ITGB4: variants seen among roughly 807,000 people sequenced by gnomAD.
ITGB4 encodes the protein integrin subunit beta 4.
Under a neutral mutation model 207.6 loss-of-function variants are expected in ITGB4, and 159 were observed. That is an observed-to-expected ratio of 0.77 (90% CI 0.67 to 0.87). ITGB4 has a LOEUF of 0.87. ITGB4 is among the 40% of genes least tolerant of loss of function. The pLI is 0.00. For synonymous variants in ITGB4, 1,020 were observed against 1,062.7 expected (o/e 0.96, Z 0.78); for missense variants, 2,278 against 2,546.8 (o/e 0.89, Z 2.27).
chr17:75,745,262 G>C (rs2061208140), intron 26 of ITGB4, among the ~76,000 whole-genome samples: 1 of 151,614 alleles, frequency 6.6e-6, no homozygotes. Flanking sequence ...GCATGGTAGT[G>C]CATACTTGTG....
rs530728700 is a variant in ITGB4 at position 75,743,560 on chromosome 17, G to A, written c.2963-153G>A. On this transcript the variant is annotated intron_variant, in intron 25 of 39. Transcript: ENST00000200181. ...TCATCTTTTTCTGGAAGGATTTTCC[G>A]TTTCGCTCCTGTGCCCTTCCCAGAG... 5.3e-5 allele frequency among the ~76,000 whole-genome samples: 8 copies of A among 152,254 alleles called. No individual in the cohort carries two copies. In the East Asian group the frequency reaches 7.7e-4, roughly 15 times the overall value.
rs755391801 is a variant in ITGB4 at position 75,750,164 on chromosome 17, C to T, written c.3370C>T (p.His1124Tyr). 4.3e-6 allele frequency: 7 copies of T among 1,613,742 alleles called. No individual in the cohort carries two copies. In the East Asian group the frequency reaches 1.1e-4, roughly 26 times the overall value. Residue 1124 changes from histidine (H) to tyrosine (Y), a missense_variant, in exon 28 of 40, where the codon CAC becomes TAC. Physicochemically the swap from His to Tyr is moderately conservative, Grantham distance 83. Coordinates refer to ENST00000200181, the MANE Select transcript of ITGB4 (RefSeq NM_000213.5). This position sits in a 1 kb window ranked among gnomAD's most constrained non-coding sequence, Gnocchi z 5.5. ...SQMLSSQPPPHGDLGAPQNPN... is the reference protein window; with the variant it reads ...SQMLSSQPPPYGDLGAPQNPN... ...GATGTTGTCATCACAGCCACCCCCT[C>T]ACGGCGACCTGGGCGCCCCGCAGAA... is the stretch of plus-strand genomic sequence containing the variant.
In ITGB4 at chr17:75,727,743, G is replaced by A. The variant is rs751692203; in HGVS notation, c.357G>A (p.Glu119=). The A allele has an allele frequency of 6.8e-6, 11 of 1,614,048 alleles. 1 individual carries two copies. The South Asian group carries it at 1.2e-4, about 18-fold the overall frequency. Reference sequence around the variant, plus strand: ...GGCCCGGTGAGGAGCGGCATTTTGAGCTGGAGGTGTTTGAGCCACTGGAGA... The same window carrying A: ...GGCCCGGTGAGGAGCGGCATTTTGAACTGGAGGTGTTTGAGCCACTGGAGA... ...RLRPGEERHF[E]LEVFEPLESP... The change falls in exon 5 of 40, where the codon GAG becomes GAA. Residue 119 remains glutamate, a synonymous_variant. Coordinates refer to ENST00000200181, the MANE Select transcript of ITGB4 (RefSeq NM_000213.5). This position sits in a 1 kb window ranked among gnomAD's most constrained non-coding sequence, Gnocchi z 6.0.
Position 75,740,807 on chromosome 17 carries a change from C to T in ITGB4, c.2565C>T (p.Tyr855=), listed in dbSNP as rs1314645935. 2 of 1,613,404 alleles carry T rather than the reference C, an allele frequency of 1.2e-6. No individual in the cohort carries two copies. The highest frequency in any genetic ancestry group is 4.5e-5 in the East Asian group (2 of 44,886). Residue 855 remains tyrosine (Y), a synonymous_variant, in exon 22 of 40, where the codon TAC becomes TAT. Transcript: ENST00000200181. This position sits in a 1 kb window ranked among gnomAD's most constrained non-coding sequence, Gnocchi z 5.9. The stretch of plus-strand genomic sequence containing the variant: ...TTGCCTGGCAGCTGAACGAGGTCTA[C>T]AGGCAGATCTCCGGTGTACACAAGC... ...QEVEENLNEV[Y]RQISGVHKLQ...
At position 75,748,669 on chromosome 17, in the gene ITGB4, CA is replaced by C. The variant is rs978715633; in HGVS notation, c.3112-161del. On this transcript the variant is annotated intron_variant, in intron 26 of 39. Coordinates refer to ENST00000200181, the MANE Select transcript of ITGB4 (RefSeq NM_000213.5). ...TAGGTGACAGAGTGAGATTACGCCT[CA>C]AAAAAAAAAACAAACAAAAAAAACA... 3.0e-3 allele frequency among the ~76,000 whole-genome samples: 410 copies of C among 138,614 alleles called. 4 individuals are homozygous for C. Among genetic ancestry groups the C allele is most frequent in the Non-Finnish European group, 4.4e-3 (278 of 63,528 alleles). 90.9% of individuals were successfully genotyped at this position (138,614 alleles called of 152,430 possible).
At chr17:75,736,524 A>C in intron 15 of ITGB4, 41 bp from the exon 16 acceptor site, 1 of 1,589,678 alleles carries the variant, frequency 6.3e-7, no homozygotes, top group East Asian at 2.3e-5. Context: ...GCAGAGGCCC[A>C]CCCAACACAG....
intron 23 of ITGB4, 48 bp downstream of exon 23, chr17:75,741,053 T>A: frequency 6.3e-7 from 1 of 1,599,558 alleles, no homozygotes; most frequent in Non-Finnish European, 8.5e-7. Context: ...CCTGCCCGCC[T>A]GTCCCCAGCC....
At position 75,742,332 on chromosome 17, in the gene ITGB4, T is replaced by G; in HGVS notation, c.2634-9T>G. ...CCTCCGCTGCCTGAACCTTCCACCC[T>G]CGACCCAGGCAAGACCACACCATTG... On this transcript the variant is annotated splice_polypyrimidine_tract_variant and intron_variant, in intron 23 of 39. Coordinates refer to ENST00000200181, the MANE Select transcript of ITGB4 (RefSeq NM_000213.5). This position sits in a 1 kb window ranked among gnomAD's most constrained non-coding sequence, Gnocchi z 5.9. 1 of 1,613,226 alleles carries G rather than the reference T, an allele frequency of 6.2e-7. No homozygotes were observed. Among genetic ancestry groups the G allele is most frequent in the Non-Finnish European group, 8.5e-7 (1 of 1,180,018 alleles).
At position 75,742,698 on chromosome 17, in the gene ITGB4, G is replaced by C; in HGVS notation, c.2899G>C (p.Val967Leu). The C allele has an allele frequency of 6.2e-7, 1 of 1,613,762 alleles. No individual in the cohort carries two copies. Among genetic ancestry groups the C allele is most frequent in the Non-Finnish European group, 8.5e-7 (1 of 1,180,034 alleles). Reference sequence around the variant, plus strand: ...GCAGCTGCTGGTGGAGGCCATCGACGTGCCCGCAGGCACTGCCACCCTCGG... The same window carrying C: ...GCAGCTGCTGGTGGAGGCCATCGACCTGCCCGCAGGCACTGCCACCCTCGG... ...EKQLLVEAID[V>L]PAGTATLGRR... Residue 967 changes from valine (V) to leucine (L), a missense_variant, in exon 25 of 40, where the codon GTG becomes CTG. By Grantham distance (32) the Val-to-Leu change is conservative. Coordinates refer to ENST00000200181, the MANE Select transcript of ITGB4 (RefSeq NM_000213.5). The surrounding 1 kb of genome is among the most constrained non-coding windows in gnomAD (Gnocchi z 5.9).
At chr17:75,728,063 G>C (rs1178017858) in intron 5 of ITGB4, among the ~76,000 whole-genome samples, 1 of 152,156 alleles carries the variant, frequency 6.6e-6, no homozygotes, top group African/African-American at 2.4e-5. Context: ...CCCAGGGCAG[G>C]CGGGCAGTGG....
Position 75,729,574 on chromosome 17 carries a change from C to A in ITGB4, c.738+138C>A, listed in dbSNP as rs1426765138. 16 of 858,024 alleles carry A rather than the reference C, an allele frequency of 1.9e-5. No homozygotes were observed. Among genetic ancestry groups the A allele is most frequent in the Non-Finnish European group, 2.8e-5 (16 of 573,102 alleles). 53.2% of individuals were successfully genotyped at this position (858,024 alleles called of 1,614,324 possible). ...AGCCTGGGAGCCTGCAACCCCTTCACCCTGAGACAAGCTCAGACTCTGTGA... is the reference window on the plus strand; with the variant it reads ...AGCCTGGGAGCCTGCAACCCCTTCAACCTGAGACAAGCTCAGACTCTGTGA... On this transcript the variant is annotated intron_variant, in intron 7 of 39. Transcript: ENST00000200181. This position sits in a 1 kb window ranked among gnomAD's most constrained non-coding sequence, Gnocchi z 4.4.
chr17:75,749,948 A>G (rs552564915), intron 27 of ITGB4, among the ~76,000 whole-genome samples, 163 bp from the exon 28 acceptor site: 26 of 152,316 alleles, frequency 1.7e-4, no homozygotes, highest in Non-Finnish European at 3.2e-4. Flanking sequence ...AGGATGCTCT[A>G]TGTGGCAGCA....
At position 75,739,729 on chromosome 17, in the gene ITGB4, C is replaced by G; in HGVS notation, c.2254+24C>G. On this transcript the variant is annotated intron_variant, in intron 19 of 39. Transcript: ENST00000200181. This position sits in a 1 kb window ranked among gnomAD's most constrained non-coding sequence, Gnocchi z 5.4. ...AGGTATGGGCCTGGCATCGCAGGGG[C>G]AGCAGGGGCTCTGACTGCTCTTTCT... is the stretch of plus-strand genomic sequence containing the variant. 1 of 1,614,042 alleles carries G rather than the reference C, an allele frequency of 6.2e-7. No individual in the cohort carries two copies. The highest frequency in any genetic ancestry group is 8.5e-7 in the Non-Finnish European group (1 of 1,179,964).
At chr17:75,728,347 C>A (rs754873682) in intron 5 of ITGB4, 30 bp from the exon 6 acceptor site, 2 of 1,601,134 alleles carry the variant, frequency 1.2e-6, no homozygotes, top group South Asian at 2.2e-5. Context: ...CAGGGCTCAG[C>A]TATCCCCTCT....
At chr17:75,735,999 G>A in intron 13 of ITGB4, 52 bp from the exon 14 acceptor site, 1 of 1,565,954 alleles carries the variant, frequency 6.4e-7, no homozygotes, top group East Asian at 2.2e-5. Context: ...GGGCAGCCTG[G>A]ACTACAGGCA....
chr17:75,737,363 G>T lies in ITGB4; in HGVS notation c.2032G>T (p.Asp678Tyr). The change falls in exon 17 of 40, where the codon GAC (aspartate) becomes TAC (tyrosine). Residue 678 changes from aspartate to tyrosine, a missense_variant. Asp to Tyr is a radical substitution (Grantham distance 160, BLOSUM62 -3). Coordinates refer to ENST00000200181, the MANE Select transcript of ITGB4 (RefSeq NM_000213.5). Reference sequence around the variant, plus strand: ...GCGCTGCTCCTTCCGGGACGAGGATGACGACTGCACCTACAGCTACACCAT... The same window carrying T: ...GCGCTGCTCCTTCCGGGACGAGGATTACGACTGCACCTACAGCTACACCAT... ...VVRCSFRDED[D>Y]DCTYSYTMEG... The T allele has an allele frequency of 6.3e-7, 1 of 1,588,432 alleles. No individual in the cohort carries two copies.
At chr17:75,754,038 TG>T in intron 33 of ITGB4, 64 bp downstream of exon 33, 1 of 771,614 alleles carries the variant, frequency 1.3e-6, no homozygotes, top group Non-Finnish European at 1.8e-6. Context: ...CCTGAGGGCC[TG>T]GGGTGGGCGT....
At position 75,736,681 on chromosome 17, in the gene ITGB4, C is replaced by T. The variant is rs8065109; in HGVS notation, c.1977C>T (p.Asp659=). The change falls in exon 16 of 40, where the codon GAC becomes GAT. Residue 659 remains aspartate, a synonymous_variant. Transcript: ENST00000200181. ...GCAACTTCAAGGTCAAGATGGTGGA[C>T]GAGCTTAAGAGAGGTAGGGGCAGGG... The part of the protein sequence containing the change: ...EECNFKVKMV[D]ELKRAEEVVV... 4.9e-5 allele frequency: 78 copies of T among 1,595,714 alleles called. No homozygotes were observed. Among genetic ancestry groups the T allele is most frequent in the Non-Finnish European group, 6.3e-5 (74 of 1,172,648 alleles).
At chr17:75,737,260 CCTGGGTCCT>C in intron 16 of ITGB4, 53 bp from the exon 17 acceptor site, 1 of 1,557,846 alleles carries the variant, frequency 6.4e-7, no homozygotes, top group Non-Finnish European at 8.7e-7. Context: ...CTCACCAGAC[CCTGGGTCCT>C]CTGGGGCGGA....
Sources: gnomAD v4.1 joint callset for allele counts (sites outside exome capture counted in the v4.1 genomes callset) on GRCh38, gnomAD v4.1.1 for gene constraint, Gnocchi (gnomAD v3.1) non-coding constraint, MANE v1.5 for transcripts, NCBI Gene and HGNC (gene_info 2026-07-23, HGNC 2026-07-21) for gene names.